MMS19: variants seen among roughly 807,000 people sequenced by gnomAD.
MMS19 encodes the protein MMS19 nucleotide excision repair protein homolog.
MMS19 carries 77 observed loss-of-function variants against 129.8 expected under a neutral mutation model. The ratio of observed to expected loss-of-function variants is 0.59; its 90% CI spans 0.49 to 0.72. The LOEUF is 0.72. MMS19 is among the 30% of genes least tolerant of loss of function. MMS19 has a pLI of 0.00. For missense variants in MMS19, 1,168 were observed against 1,266.3 expected (o/e 0.92, Z 1.18); for synonymous variants, 491 against 502.8 (o/e 0.98, Z 0.31).
chr10:97,466,494 A>G lies in MMS19; in HGVS notation c.1505+10T>C, dbSNP rs764901290. 2 of 1,607,174 alleles carry G rather than the reference A, an allele frequency of 1.2e-6. No homozygotes were observed. Among genetic ancestry groups the G allele is most frequent in the Non-Finnish European group, 1.7e-6 (2 of 1,173,738 alleles). ...ACAGCTTGCTCTATCTCATTGCTTTAAATTCTCACCAACTCTGGGAATCCT... is the reference window on the plus strand; with the variant it reads ...ACAGCTTGCTCTATCTCATTGCTTTGAATTCTCACCAACTCTGGGAATCCT... On this transcript the variant is annotated intron_variant, in intron 16 of 30. Coordinates refer to ENST00000438925, the MANE Select transcript of MMS19 (RefSeq NM_022362.5).
At chr10:97,474,198 ATAG>A (rs962106415) in intron 8 of MMS19, among the ~76,000 whole-genome samples, 1 of 151,790 alleles carries the variant, frequency 6.6e-6, no homozygotes, top group Non-Finnish European at 1.5e-5. Flanking sequence ...GCATATAAGC[ATAG>A]TGAAGAAACT....
rs762817304 is a variant in MMS19, at chr10:97,469,040, G to A, written c.989C>T (p.Ala330Val). 8 of 1,585,328 alleles carry A rather than the reference G, an allele frequency of 5.0e-6. No individual in the cohort carries two copies. Among genetic ancestry groups the A allele is most frequent in the East Asian group, 4.6e-5 (2 of 43,384 alleles). ...CCTCAGCACAGAGCGAGACAAACAC[G>A]CAGTCAGGGAGTGGAGGGCCGCCAG... The part of the protein sequence containing the change: ...EGLAALHSLT[A>V]CLSRSVLRAD... The change falls in exon 12 of 31, where the codon GCG (alanine) becomes GTG (valine). Residue 330 changes from alanine (A) to valine (V), a missense_variant. Around this residue, in one of 3 missense-constraint regions of MMS19, gnomAD observed 831 missense variants for 910.8 expected, o/e 0.91. Transcript: ENST00000438925.
intron 1 of MMS19, among the ~76,000 whole-genome samples, chr10:97,492,543 G>GT (rs1286776449): frequency 1.3e-5 from 2 of 150,808 alleles, no homozygotes; most frequent in African/African-American, 4.9e-5. Context: ...TTACAAGACC[G>GT]TAAAAAAAAG....
intron 8 of MMS19, among the ~76,000 whole-genome samples, chr10:97,475,610 C>T (rs1303025883): frequency 6.6e-6 from 1 of 152,008 alleles, no homozygotes; most frequent in Non-Finnish European, 1.5e-5. Flanking sequence ...TGGTGGCGGG[C>T]GCCTGTAATC....
chr10:97,473,885 G>A (rs2135371236), intron 8 of MMS19, among the ~76,000 whole-genome samples: 1 of 152,030 alleles, frequency 6.6e-6, no homozygotes. Flanking sequence ...GCTTATGCCT[G>A]TAATCCCAAC....
chr10:97,486,810 A>T (rs1280745780), intron 1 of MMS19, among the ~76,000 whole-genome samples: 1 of 145,840 alleles, frequency 6.9e-6, no homozygotes. Flanking sequence ...CCATAAAAAC[A>T]CTAACAGAAT....
At chr10:97,463,778 C>T (rs906523014) in intron 19 of MMS19, 80 bp downstream of exon 19, 8 of 1,248,648 alleles carry the variant, frequency 6.4e-6, no homozygotes, top group Non-Finnish European at 7.9e-6. Context: ...ACAGTACCAC[C>T]AATACCCAGA....
At chr10:97,480,285 G>A (rs551470077) in intron 3 of MMS19, 4 of 463,664 alleles carry the variant, frequency 8.6e-6, no homozygotes, top group South Asian at 4.7e-5. Flanking sequence ...CTTGGCTTTG[G>A]AGCCCCGCTC....
In MMS19 at chr10:97,468,994, A is replaced by C. The variant is rs1564642157; in HGVS notation, c.1035T>G (p.Leu345=). Residue 345 remains leucine (L), a synonymous_variant, in exon 12 of 31, where the codon CTT becomes CTG. Transcript: ENST00000438925. ...SVLRADAEDL[L]DSFLSNILQD... ...GTAGAATGTTGCTAAGGAAGGAGTC[A>C]AGGAGGTCCTCAGCATCAGCCCTCA... The C allele has an allele frequency of 1.3e-6, 2 of 1,589,148 alleles. No individual in the cohort carries two copies. Among genetic ancestry groups the C allele is most frequent in the Non-Finnish European group, 1.7e-6 (2 of 1,167,368 alleles).
intron 9 of MMS19, 111 bp downstream of exon 9, chr10:97,470,664 T>C (rs1243598433): frequency 6.1e-6 from 4 of 654,130 alleles, no homozygotes; most frequent in East Asian, 2.8e-5. Context: ...ACTTGCAGGG[T>C]GTCATGCCCT....
At chr10:97,475,785 C>G (rs1344533712) in intron 8 of MMS19, among the ~76,000 whole-genome samples, 2 of 151,850 alleles carry the variant, frequency 1.3e-5, no homozygotes, top group African/African-American at 2.4e-5. Context: ...ACACACACAC[C>G]AAAAAAACCA....
rs766070007 is a variant in MMS19, at chr10:97,459,718, C to T, written c.2680G>A (p.Gly894Ser). The change falls in exon 27 of 31, where the codon GGT becomes AGT. Residue 894 changes from glycine to serine, a missense_variant. Around this residue, in one of 3 missense-constraint regions of MMS19, gnomAD observed 831 missense variants for 910.8 expected, o/e 0.91. Transcript: ENST00000438925. ...PQDVKPNYLK[G>S]LSHVLNRLPK... ...AGCCTGTTAAGTACATGAGAAAGAC[C>T]CTTCAAGTAGTTTGGCTTCACATCT... 5 of 1,611,998 alleles carry T rather than the reference C, an allele frequency of 3.1e-6. No individual in the cohort carries two copies. Among genetic ancestry groups the T allele is most frequent in the Non-Finnish European group, 4.2e-6 (5 of 1,179,122 alleles).
Position 97,458,726 on chromosome 10 carries a change from G to A in MMS19, c.3066-7C>T. ...AGGGCTCCCCAACAGAAACCTGTAGGCAAAAAGAAAGTTGGCAGCATTAGT... is the reference window on the plus strand; with the variant it reads ...AGGGCTCCCCAACAGAAACCTGTAGACAAAAAGAAAGTTGGCAGCATTAGT... On this transcript the variant is annotated splice_region_variant and splice_polypyrimidine_tract_variant and intron_variant, in intron 30 of 30. Coordinates refer to ENST00000438925, the MANE Select transcript of MMS19 (RefSeq NM_022362.5). 1 of 1,611,486 alleles carries A rather than the reference G, an allele frequency of 6.2e-7. No homozygotes were observed. The highest frequency in any genetic ancestry group is 8.5e-7 in the Non-Finnish European group (1 of 1,178,722).
intron 2 of MMS19, among the ~76,000 whole-genome samples, chr10:97,483,103 G>A (rs140907827): frequency 4.6e-5 from 7 of 151,966 alleles, no homozygotes; most frequent in Non-Finnish European, 1.0e-4. Context: ...CACCTGGGTT[G>A]GAATGCAGTG....
At chr10:97,486,415 A>AGTG (rs2037851188) in intron 1 of MMS19, among the ~76,000 whole-genome samples, 1 of 152,206 alleles carries the variant, frequency 6.6e-6, no homozygotes, top group Admixed American at 6.5e-5. Flanking sequence ...TACTGACCTC[A>AGTG]GGTGATCCGC....
rs774042416 is a variant in MMS19 at position 97,460,040 on chromosome 10, C to A, written c.2656+6G>T. ...ATATGTGGGGACCTTCTTTCAGACT[C>A]CTCACCTTGGGGAGCAGCATGGAAG... On this transcript the variant is annotated splice_donor_region_variant and intron_variant, in intron 26 of 30. Transcript: ENST00000438925. The A allele has an allele frequency of 2.5e-6, 4 of 1,612,406 alleles. No homozygotes were observed. Among genetic ancestry groups the A allele is most frequent in the Non-Finnish European group, 3.4e-6 (4 of 1,178,692 alleles).
At chr10:97,474,441 A>C (rs2135377474) in intron 8 of MMS19, among the ~76,000 whole-genome samples, 1 of 152,160 alleles carries the variant, frequency 6.6e-6, no homozygotes, top group East Asian at 1.9e-4. Flanking sequence ...CCAGCTATTC[A>C]GGTGGCTGAG....
chr10:97,465,005 G>A (rs989255147), intron 18 of MMS19, among the ~76,000 whole-genome samples: 6 of 147,636 alleles, frequency 4.1e-5, no homozygotes, highest in Non-Finnish European at 7.5e-5. Context: ...CACCCAGCCC[G>A]GCACTTTTTT....
At position 97,460,465 on chromosome 10, in the gene MMS19, C is replaced by A. The variant is rs984061304; in HGVS notation, c.2469+230G>T. ...GTGCCCCTGTAGTCCCAGCTACTTG[C>A]GAGGCTGAAGTGGGAGGATCACTTG... On this transcript the variant is annotated intron_variant, in intron 25 of 30. Coordinates refer to ENST00000438925, the MANE Select transcript of MMS19 (RefSeq NM_022362.5). The A allele has an allele frequency of 6.5e-5, 40 of 618,814 alleles. No individual in the cohort carries two copies. The African/African-American group carries it at 6.8e-4, about 11-fold the overall frequency. The allele number at this position is 618,814 out of a possible 1,614,324, so 38.3% of individuals were successfully genotyped here.
Sources: gnomAD v4.1 joint callset for allele counts (sites outside exome capture counted in the v4.1 genomes callset) on GRCh38, gnomAD v4.1.1 for gene constraint, gnomAD v4.1.1 regional missense constraint, MANE v1.5 for transcripts, NCBI Gene and HGNC (gene_info 2026-07-23, HGNC 2026-07-21) for gene names.